Variants in DLG2 observed in about 807,000 individuals in gnomAD.
DLG2 encodes the protein discs large MAGUK scaffold protein 2, also known as disks large homolog 2.
DLG2 carries 45 observed loss-of-function variants against 132.5 expected under a neutral mutation model. The ratio of observed to expected loss-of-function variants is 0.34; its 90% CI spans 0.27 to 0.44. DLG2 has a LOEUF of 0.44. Ranked by LOEUF, DLG2 falls within the 20% of genes least tolerant of loss-of-function variation. DLG2 has a pLI of 1.00. For synonymous variants in DLG2, 424 were observed against 419.6 expected, an observed-to-expected ratio of 1.01 and a Z score of -0.13; for missense variants, 1,045 against 1,196.9, an observed-to-expected ratio of 0.87 and a Z score of 1.87.
intron 6 of DLG2, among the ~76,000 whole-genome samples, chr11:85,019,390 G>C (rs1475454222): frequency 6.6e-6 from 1 of 151,828 alleles, no homozygotes; most frequent in Non-Finnish European, 1.5e-5. Context: ...GAGAGGATCT[G>C]GTGAAAAATT....
chr11:85,021,339 A>G, intron 6 of DLG2: 1 of 1,279,468 alleles, frequency 7.8e-7, no homozygotes, highest in Non-Finnish European at 1.1e-6. Context: ...AAGAAGAGCC[A>G]TACATCTGTG....
intron 22 of DLG2, among the ~76,000 whole-genome samples, chr11:83,475,900 T>C (rs1052558159): frequency 2.6e-5 from 4 of 152,060 alleles, no homozygotes; most frequent in African/African-American, 4.8e-5. Context: ...TTGGCAACTG[T>C]ATGGCTGAAA....
intron 7 of DLG2, among the ~76,000 whole-genome samples, chr11:84,499,862 C>A (rs928364608): frequency 2.6e-5 from 4 of 152,106 alleles, no homozygotes; most frequent in African/African-American, 9.7e-5. Context: ...AGATTGTAGA[C>A]ACTAGAGTCA....
intron 18 of DLG2, among the ~76,000 whole-genome samples, chr11:83,733,304 C>T (rs561558172): frequency 1.8e-3 from 270 of 147,386 alleles, no homozygotes; most frequent in Middle Eastern, 3.6e-3. Flanking sequence ...CAAATGGCAA[C>T]CCTGGTAAAT....
intron 6 of DLG2, among the ~76,000 whole-genome samples, chr11:84,971,826 A>T (rs548480400): frequency 2.6e-5 from 4 of 152,268 alleles, no homozygotes; most frequent in South Asian, 4.1e-4. Context: ...AAGGAAGTCA[A>T]AAAAGCTTTT....
chr11:84,635,162 C>A (rs921868917), intron 6 of DLG2, among the ~76,000 whole-genome samples: 3 of 152,234 alleles, frequency 2.0e-5, no homozygotes, highest in African/African-American at 7.2e-5. Context: ...GAATTTCAGA[C>A]AGAAGATCAG....
At chr11:85,401,636 CAA>C (rs2088121982) in intron 3 of DLG2, among the ~76,000 whole-genome samples, 1 of 152,144 alleles carries the variant, frequency 6.6e-6, no homozygotes, top group South Asian at 2.1e-4. Flanking sequence ...GCAACTTCAG[CAA>C]AGTCTCAGGA....
intron 7 of DLG2, among the ~76,000 whole-genome samples, chr11:84,347,691 T>C (rs2154409951): frequency 6.6e-6 from 1 of 152,292 alleles, no homozygotes; most frequent in Admixed American, 6.5e-5. Flanking sequence ...GCTGAAATAG[T>C]ACATGATGTT....
At chr11:84,569,147 C>G (rs574976186) in intron 6 of DLG2, among the ~76,000 whole-genome samples, 3 of 152,260 alleles carry the variant, frequency 2.0e-5, no homozygotes, top group African/African-American at 7.2e-5. Flanking sequence ...GCAAAGGCAG[C>G]CACCCAGTCA....
At chr11:85,108,851 G>A (rs746080886) in intron 6 of DLG2, among the ~76,000 whole-genome samples, 18 of 151,992 alleles carry the variant, frequency 1.2e-4, no homozygotes, top group Non-Finnish European at 2.4e-4. Flanking sequence ...TGAGAAAGAA[G>A]TAACATTGAT....
At position 83,472,764 on chromosome 11, in the gene DLG2, GTCT is replaced by G. The variant is rs2092217572; in HGVS notation, c.2304_2306del (p.Glu768del). ...TAACAGGCTCATAGGAAAGAATGAG[GTCT>G]TCTTGTCCTCCTGAGAAGAGAAGGA... On this transcript the variant is annotated inframe_deletion, in exon 23 of 28. Transcript: ENST00000376104. The G allele has an allele frequency of 5.6e-6, 9 of 1,611,944 alleles. No homozygotes were observed. Among genetic ancestry groups the G allele is most frequent in the Non-Finnish European group, 6.8e-6 (8 of 1,178,852 alleles).
intron 17 of DLG2, among the ~76,000 whole-genome samples, chr11:83,826,436 A>G (rs778378863): frequency 9.2e-5 from 14 of 152,190 alleles, no homozygotes; most frequent in Non-Finnish European, 2.1e-4. Flanking sequence ...CCAGTAAGGT[A>G]GGGAGAAGTC....
At chr11:84,873,865 G>A (rs1023856080) in intron 6 of DLG2, among the ~76,000 whole-genome samples, 1 of 152,160 alleles carries the variant, frequency 6.6e-6, no homozygotes, top group African/African-American at 2.4e-5. Flanking sequence ...AGATCAACTG[G>A]AAACTGAAAG....
At chr11:84,719,148 A>G (rs781347847) in intron 6 of DLG2, among the ~76,000 whole-genome samples, 1 of 152,060 alleles carries the variant, frequency 6.6e-6, no homozygotes, top group Non-Finnish European at 1.5e-5. Flanking sequence ...CCTGACTCCC[A>G]ATTTTTCCGT....
chr11:83,757,053 C>T (rs1012801509), intron 18 of DLG2, among the ~76,000 whole-genome samples: 1 of 152,168 alleles, frequency 6.6e-6, no homozygotes, highest in Non-Finnish European at 1.5e-5. Flanking sequence ...CTGTCCTATT[C>T]ACCGAGTGCT....
chr11:85,386,911 T>G (rs986987642), intron 3 of DLG2, among the ~76,000 whole-genome samples: 4 of 151,588 alleles, frequency 2.6e-5, no homozygotes, highest in Non-Finnish European at 5.9e-5. Context: ...TCTTTTTTTT[T>G]TAGATGGAGT....
chr11:85,177,177 T>C (rs1400301268), intron 4 of DLG2, among the ~76,000 whole-genome samples: 2 of 152,078 alleles, frequency 1.3e-5, no homozygotes, highest in East Asian at 3.9e-4. Context: ...TGCAGCACTA[T>C]TCACAATAGC....
At chr11:85,173,496 C>T (rs762165828) in intron 4 of DLG2, among the ~76,000 whole-genome samples, 1 of 152,076 alleles carries the variant, frequency 6.6e-6, no homozygotes, top group Admixed American at 6.6e-5. Context: ...AAAGGAAAAA[C>T]CCATTACCAG....
chr11:83,608,608 C>T (rs896141632), intron 19 of DLG2, among the ~76,000 whole-genome samples: 7 of 151,988 alleles, frequency 4.6e-5, no homozygotes, highest in South Asian at 2.1e-4. Context: ...TTCTGGTAAA[C>T]ATGTATCATT....
Sources: allele counts gnomAD v4.1 joint callset (sites outside exome capture counted in the v4.1 genomes callset), GRCh38; gene constraint gnomAD v4.1.1; transcripts MANE v1.5; gene names NCBI Gene and HGNC (gene_info 2026-07-23, HGNC 2026-07-21).